The following PLEKHA2 variants were observed in gnomAD, a reference collection of about 807,000 sequenced individuals.
The protein encoded by PLEKHA2 is pleckstrin homology domain-containing family A member 2.
In PLEKHA2, 28 loss-of-function variants were observed where a neutral mutation model predicts 53.2. The ratio of observed to expected loss-of-function variants is 0.53; its 90% CI spans 0.39 to 0.72. PLEKHA2 has a LOEUF of 0.72. Ranked by LOEUF, PLEKHA2 falls within the 30% of genes least tolerant of loss-of-function variation. PLEKHA2 has a pLI of 0.00. For missense variants in PLEKHA2, 426 were observed against 537.9 expected (o/e 0.79, Z 2.06); for synonymous variants, 193 against 196.4 (o/e 0.98, Z 0.14).
intron 2 of PLEKHA2, among the ~76,000 whole-genome samples, chr8:38,920,176 G>GA (rs1381829175): frequency 6.6e-6 from 1 of 150,706 alleles, no homozygotes; most frequent in Non-Finnish European, 1.5e-5. Flanking sequence ...TTTGAGACGG[G>GA]GTCTCTCTCT....
At chr8:38,963,851 T>C (rs1835084753) in intron 10 of PLEKHA2, among the ~76,000 whole-genome samples, 1 of 152,222 alleles carries the variant, frequency 6.6e-6, no homozygotes, top group Non-Finnish European at 1.5e-5. Context: ...CTAGGTTATC[T>C]GACCGAAAAA....
At chr8:38,921,486 A>G (rs1193969806) in intron 2 of PLEKHA2, among the ~76,000 whole-genome samples, 1 of 152,162 alleles carries the variant, frequency 6.6e-6, no homozygotes, top group African/African-American at 2.4e-5. Flanking sequence ...CAGTGGCACC[A>G]TCTTGGAACT....
intron 10 of PLEKHA2, among the ~76,000 whole-genome samples, chr8:38,966,072 T>C (rs1320977377): frequency 6.6e-6 from 1 of 152,122 alleles, no homozygotes; most frequent in African/African-American, 2.4e-5. Flanking sequence ...GAGACAGCGC[T>C]AGTAAGTTTG....
chr8:38,951,024 G>T, intron 6 of PLEKHA2, 34 bp downstream of exon 6: 1 of 1,603,124 alleles, frequency 6.2e-7, no homozygotes, highest in South Asian at 1.1e-5. Context: ...GGGGGGAGTG[G>T]GGGTGTGGAA....
chr8:38,947,253 C>T lies in PLEKHA2; in HGVS notation c.345+1032C>T, dbSNP rs1834732388. Reference sequence around the variant, plus strand: ...CTTTGGGAGGCCGAGGTGGGTGGATCACCTGTGGCCAACATAGTGAAACCC... The same window carrying T: ...CTTTGGGAGGCCGAGGTGGGTGGATTACCTGTGGCCAACATAGTGAAACCC... On this transcript the variant is annotated intron_variant, in intron 5 of 11. Transcript: ENST00000617275. 3.3e-5 allele frequency among the ~76,000 whole-genome samples: 5 copies of T among 152,256 alleles called. 1 individual carries two copies. In the South Asian group the frequency reaches 1.0e-3, roughly 32 times the overall value.
Position 38,946,852 on chromosome 8 carries a change from G to A in PLEKHA2, c.345+631G>A, listed in dbSNP as rs562258037. Among the ~76,000 whole-genome samples the A allele has an allele frequency of 3.9e-5, 6 of 152,308 alleles. No homozygotes were observed. The East Asian group carries it at 1.2e-3, about 29-fold the overall frequency. On this transcript the variant is annotated intron_variant, in intron 5 of 11. Coordinates refer to ENST00000617275, the MANE Select transcript of PLEKHA2 (RefSeq NM_021623.2). ...GGAAACTATGTTTTGGAAAAAACTA[G>A]ACTTTTAATCAATAAGACAGGCAGA...
intron 2 of PLEKHA2, among the ~76,000 whole-genome samples, chr8:38,921,004 T>C (rs1313088729): frequency 5.3e-5 from 8 of 152,106 alleles, no homozygotes; most frequent in Admixed American, 1.3e-4. Flanking sequence ...TTTCATCATA[T>C]TGGTCAGGCT....
intron 5 of PLEKHA2, among the ~76,000 whole-genome samples, chr8:38,949,776 A>G (rs903643765): frequency 6.6e-6 from 1 of 152,214 alleles, no homozygotes; most frequent in Non-Finnish European, 1.5e-5. Flanking sequence ...ATACTCTATC[A>G]TTTGATAACC....
At chr8:38,966,974 G>T (rs574043619) in intron 10 of PLEKHA2, among the ~76,000 whole-genome samples, 1 of 138,578 alleles carries the variant, frequency 7.2e-6, no homozygotes, top group South Asian at 2.4e-4. Flanking sequence ...TGTCTCCAGT[G>T]ACAATTATTT....
intron 1 of PLEKHA2, among the ~76,000 whole-genome samples, chr8:38,903,055 C>CA (rs1833817056): frequency 6.6e-6 from 1 of 152,236 alleles, no homozygotes; most frequent in East Asian, 1.9e-4. Flanking sequence ...ATGTTTATTG[C>CA]ATTAATGAAT....
Position 38,918,004 on chromosome 8 carries a change from TC to T in PLEKHA2, c.76del (p.Leu26CysfsTer36). The part of the protein sequence containing the change: ...IEEHENSGKF[L>X]RRYFILDTQA... ...AGGAGCATGAGAACAGCGGCAAGTT[TC>T]TGCGGAGGTACTTCATTCTGGACAC... is the stretch of plus-strand genomic sequence containing the variant. On this transcript the variant is annotated frameshift_variant, in exon 2 of 12. Transcript: ENST00000617275. LOFTEE classifies it high-confidence loss of function. The T allele has an allele frequency of 6.2e-7, 1 of 1,613,620 alleles. No homozygotes were observed. The highest frequency in any genetic ancestry group is 8.5e-7 in the Non-Finnish European group (1 of 1,179,690).
At chr8:38,940,651 G>GGGGC (rs1491461081) in intron 3 of PLEKHA2, among the ~76,000 whole-genome samples, 253 of 12,324 alleles carry the variant, frequency 0.021, 4 homozygotes, top group African/African-American at 0.066. Context: ...TTGAAGGGGC[G>GGGGC]GGGGGGGGGG....
At chr8:38,934,851 G>A (rs1564126987) in intron 2 of PLEKHA2, among the ~76,000 whole-genome samples, 1 of 150,680 alleles carries the variant, frequency 6.6e-6, no homozygotes, top group African/African-American at 2.4e-5. Flanking sequence ...TATATTGCGT[G>A]AGTTTGTATC....
intron 3 of PLEKHA2, among the ~76,000 whole-genome samples, chr8:38,937,662 G>A (rs1160003235): frequency 6.6e-6 from 1 of 152,136 alleles, no homozygotes; most frequent in African/African-American, 2.4e-5. Context: ...AGGCAGGGCT[G>A]GATGGGCATT....
chr8:38,907,379 T>A (rs1294155066), intron 1 of PLEKHA2, among the ~76,000 whole-genome samples: 1 of 152,220 alleles, frequency 6.6e-6, no homozygotes, highest in African/African-American at 2.4e-5. Flanking sequence ...TTTCCCTCTA[T>A]TCTTTCCTCT....
At chr8:38,920,239 C>T (rs1166397609) in intron 2 of PLEKHA2, among the ~76,000 whole-genome samples, 1 of 151,776 alleles carries the variant, frequency 6.6e-6, no homozygotes, top group East Asian at 2.0e-4. Flanking sequence ...CAAGCTCTGC[C>T]TCCCGGGTTC....
rs1835214404 is a variant in PLEKHA2, at chr8:38,969,889, C to A, written c.*106C>A. ...GGAGGGTAGTCAGAGGCCTTTATGT[C>A]ACTCATATTCCTGTGGATGCTCTTT... On this transcript the variant is annotated 3_prime_UTR_variant, in exon 12 of 12. Coordinates refer to ENST00000617275, the MANE Select transcript of PLEKHA2 (RefSeq NM_021623.2). 1 of 1,460,518 alleles carries A rather than the reference C, an allele frequency of 6.8e-7. No homozygotes were observed. Among genetic ancestry groups the A allele is most frequent in the African/African-American group, 1.4e-5 (1 of 69,530 alleles). The allele number at this position is 1,460,518 out of a possible 1,614,324, so 90.5% of individuals were successfully genotyped here. A position where few individuals can be genotyped will look rare whatever the true frequency, so the allele number is the denominator to read the frequency against.
At chr8:38,907,385 C>T (rs1564099366) in intron 1 of PLEKHA2, among the ~76,000 whole-genome samples, 2 of 152,158 alleles carry the variant, frequency 1.3e-5, no homozygotes. Context: ...TCTATTCTTT[C>T]CTCTGTCTCC....
At chr8:38,923,881 T>C (rs987728764) in intron 2 of PLEKHA2, among the ~76,000 whole-genome samples, 1 of 152,174 alleles carries the variant, frequency 6.6e-6, no homozygotes, top group African/African-American at 2.4e-5. Context: ...AGACAGAGTC[T>C]CACTCTGTTG....
Sources: allele counts gnomAD v4.1 joint callset (sites outside exome capture counted in the v4.1 genomes callset), GRCh38; gene constraint gnomAD v4.1.1; transcripts MANE v1.5; gene names NCBI Gene and HGNC (gene_info 2026-07-23, HGNC 2026-07-21).